SPAG16: variants seen among roughly 807,000 people sequenced by gnomAD.
SPAG16 encodes sperm associated antigen 16, also known as sperm-associated antigen 16 protein.
In SPAG16, 86 loss-of-function variants were observed where a neutral mutation model predicts 80.4. The ratio of observed to expected loss-of-function variants is 1.07; its 90% confidence interval spans 0.90 to 1.28. SPAG16 has a LOEUF of 1.28. Ranked by LOEUF, SPAG16 falls within the 50% of genes most tolerant of loss-of-function variation. The pLI is 0.00. For missense variants in SPAG16, 870 were observed against 765.3 expected (o/e 1.14, Z -1.61); for synonymous variants, 294 against 265.9 (o/e 1.11, Z -1.03).
chr2:214,338,167 T>A (rs1225864837), intron 15 of SPAG16, among the ~76,000 whole-genome samples: 3 of 152,142 alleles, frequency 2.0e-5, no homozygotes, highest in Non-Finnish European at 4.4e-5. Context: ...ATGCAGAAAA[T>A]CAATAGAATT....
chr2:213,368,836 C>G lies in SPAG16; in HGVS notation c.832+4691C>G, dbSNP rs144026327. On this transcript the variant is annotated intron_variant, in intron 8 of 15. Coordinates refer to ENST00000331683, the MANE Select transcript of SPAG16 (RefSeq NM_024532.5). ...CAGTTGCTTCAAAGAGAATAAAATA[C>G]CTAAGAATCCAACTTACAAAGGATG... 9.9e-5 allele frequency among the ~76,000 whole-genome samples: 15 copies of G among 152,206 alleles called. No homozygotes were observed. The East Asian group carries it at 2.9e-3, about 29-fold the overall frequency.
intron 15 of SPAG16, among the ~76,000 whole-genome samples, chr2:214,171,957 T>C (rs2056883154): frequency 6.6e-6 from 1 of 151,962 alleles, no homozygotes; most frequent in African/African-American, 2.4e-5. Flanking sequence ...GATCAACATA[T>C]TCATCACTTT....
chr2:213,950,783 A>G (rs1293497768), intron 12 of SPAG16, among the ~76,000 whole-genome samples: 1 of 137,048 alleles, frequency 7.3e-6, no homozygotes, highest in African/African-American at 2.8e-5. Flanking sequence ...ATCACGGCTC[A>G]CTGCAGCCTC....
intron 10 of SPAG16, among the ~76,000 whole-genome samples, chr2:213,854,714 T>C (rs527780436): frequency 6.6e-6 from 1 of 152,346 alleles, no homozygotes; most frequent in East Asian, 1.9e-4. Context: ...AAATTCTTGA[T>C]AAGGAATTTA....
chr2:213,621,965 T>C lies in SPAG16; in HGVS notation c.1070+131875T>C, dbSNP rs181218411. ...CACTTCACAATAAGTCTTAGAACCA[T>C]TGGAGGAGGAACTATAGCCTGTGGA... On this transcript the variant is annotated intron_variant, in intron 10 of 15. Coordinates refer to ENST00000331683, the MANE Select transcript of SPAG16 (RefSeq NM_024532.5). Among the ~76,000 whole-genome samples the C allele has an allele frequency of 1.4e-4, 22 of 152,296 alleles. No individual in the cohort carries two copies. The East Asian group carries it at 3.9e-3, about 27-fold the overall frequency.
In SPAG16 at chr2:213,436,492, A is replaced by G. The variant is rs367885866; in HGVS notation, c.943-53471A>G. Among the ~76,000 whole-genome samples the G allele has an allele frequency of 1.8e-4, 28 of 152,298 alleles. No individual in the cohort carries two copies. In the East Asian group the frequency reaches 3.9e-3, roughly 21 times the overall value. On this transcript the variant is annotated intron_variant, in intron 9 of 15. Coordinates refer to ENST00000331683, the MANE Select transcript of SPAG16 (RefSeq NM_024532.5). ...AAACTTCTGTTAATATAATTGTATC[A>G]TTGGATTATTTTACTCTTATCATTC...
At chr2:213,447,630 T>A (rs1485255219) in intron 9 of SPAG16, among the ~76,000 whole-genome samples, 2 of 152,206 alleles carry the variant, frequency 1.3e-5, no homozygotes. Flanking sequence ...CCGCCACTCC[T>A]CTCCCTCAGT....
chr2:213,317,324 GA>G lies in SPAG16; in HGVS notation c.507del (p.Asp170IlefsTer2). ...LLENENKNLKKDLKHYKQAAD... is the reference protein window; with the variant it reads ...LLENENKNLKXDLKHYKQAAD... The stretch of plus-strand genomic sequence containing the variant: ...TGGAAAATGAGAACAAAAATTTAAA[GA>G]AAGATTTGAAGCACTACAAACAAGC... On this transcript the variant is annotated frameshift_variant, in exon 5 of 16. Transcript: ENST00000331683. LOFTEE classifies it high-confidence loss of function. The G allele has an allele frequency of 6.2e-7, 1 of 1,610,618 alleles. No individual in the cohort carries two copies. Among genetic ancestry groups the G allele is most frequent in the East Asian group, 2.2e-5 (1 of 44,712 alleles).
At chr2:213,719,302 G>A (rs1170890845) in intron 10 of SPAG16, among the ~76,000 whole-genome samples, 1 of 150,510 alleles carries the variant, frequency 6.6e-6, no homozygotes, top group Non-Finnish European at 1.5e-5. Context: ...TAGGCACTCT[G>A]TATCTAGCTC....
intron 10 of SPAG16, among the ~76,000 whole-genome samples, chr2:213,586,221 G>T (rs2060467422): frequency 6.6e-6 from 1 of 152,118 alleles, no homozygotes; most frequent in African/African-American, 2.4e-5. Context: ...CATTCAGGTG[G>T]CTATAACAGA....
intron 12 of SPAG16, among the ~76,000 whole-genome samples, chr2:213,949,179 T>TGTTTTTTTTTTTTTTTTTTTTTTG (rs1553677649): frequency 5.5e-5 from 2 of 36,244 alleles, no homozygotes; most frequent in African/African-American, 1.6e-4. Context: ...GTTTTTTTTT[T>TGTTTTTTTTTTTTTTTTTTTTTTG]TTTTTTTTTT....
intron 15 of SPAG16, among the ~76,000 whole-genome samples, chr2:214,282,094 CT>C (rs1692990493): frequency 6.6e-6 from 1 of 152,118 alleles, no homozygotes; most frequent in African/African-American, 2.4e-5. Flanking sequence ...GTGATAAAGG[CT>C]CCAGAAGTGT....
Position 213,350,585 on chromosome 2 carries a change from C to A in SPAG16, c.702C>A (p.His234Gln). The change falls in exon 7 of 16, where the codon CAC becomes CAA. Residue 234 changes from histidine to glutamine, a missense_variant. Transcript: ENST00000331683. ...EPTIRVLHEK[H>Q]HTLLKEKMLT... ...CTATAAGGGTGTTACATGAGAAACACCACACTTTACTGAAGGAGAAAATGC... is the reference window on the plus strand; with the variant it reads ...CTATAAGGGTGTTACATGAGAAACAACACACTTTACTGAAGGAGAAAATGC... 6.2e-7 allele frequency: 1 copy of A among 1,603,808 alleles called. No homozygotes were observed. The highest frequency in any genetic ancestry group is 1.1e-5 in the South Asian group (1 of 88,588).
intron 10 of SPAG16, among the ~76,000 whole-genome samples, chr2:213,643,098 C>T (rs190201571): frequency 5.1e-4 from 76 of 149,908 alleles, no homozygotes; most frequent in Admixed American, 3.7e-3. Flanking sequence ...AGTTTTGTCC[C>T]GCTAGAGAAC....
rs1325694456 is a variant in SPAG16 at position 214,108,623 on chromosome 2, A to G, written c.1593+362A>G. ...CTATAGACTGCATAAAATTTTAATGAAAAATCATTAAAATAACTATAATTG... is the reference window on the plus strand; with the variant it reads ...CTATAGACTGCATAAAATTTTAATGGAAAATCATTAAAATAACTATAATTG... On this transcript the variant is annotated intron_variant, in intron 14 of 15. Coordinates refer to ENST00000331683, the MANE Select transcript of SPAG16 (RefSeq NM_024532.5). 2.0e-5 allele frequency among the ~76,000 whole-genome samples: 3 copies of G among 152,008 alleles called. No individual in the cohort carries two copies. In the East Asian group the frequency reaches 5.8e-4, roughly 29 times the overall value.
intron 3 of SPAG16, among the ~76,000 whole-genome samples, chr2:213,306,895 A>G (rs945808962): frequency 6.6e-6 from 1 of 152,182 alleles, no homozygotes; most frequent in Admixed American, 6.5e-5. Flanking sequence ...TTTCAGCAAT[A>G]TGAAGTTAAA....
At chr2:214,330,115 A>G (rs1696804789) in intron 15 of SPAG16, among the ~76,000 whole-genome samples, 1 of 149,366 alleles carries the variant, frequency 6.7e-6, no homozygotes, top group Non-Finnish European at 1.5e-5. Context: ...AAAAATAGAA[A>G]AAAAAAAAAA....
At chr2:213,836,666 G>A (rs754380038) in intron 10 of SPAG16, among the ~76,000 whole-genome samples, 10 of 151,396 alleles carry the variant, frequency 6.6e-5, no homozygotes, top group East Asian at 2.0e-4. Flanking sequence ...AGGCTGGAGT[G>A]CAACGATGAG....
intron 12 of SPAG16, among the ~76,000 whole-genome samples, chr2:213,940,692 C>G (rs548401894): frequency 6.6e-6 from 1 of 152,238 alleles, no homozygotes. Flanking sequence ...TAGCATATGT[C>G]TATGCAAAAC....
Sources: gnomAD v4.1 joint callset for allele counts (sites outside exome capture counted in the v4.1 genomes callset) on GRCh38, gnomAD v4.1.1 for gene constraint, MANE v1.5 for transcripts, NCBI Gene and HGNC (gene_info 2026-07-23, HGNC 2026-07-21) for gene names.